Variants in ULK4 observed in about 807,000 individuals in gnomAD.
ULK4 encodes inactive serine/threonine-protein kinase ULK4.
Under a neutral mutation model 160.6 loss-of-function variants are expected in ULK4, and 133 were observed. The ratio of observed to expected loss-of-function variants is 0.83; its 90% CI spans 0.72 to 0.96. The LOEUF (loss-of-function observed/expected upper bound fraction) is 0.96. Ranked by LOEUF, ULK4 falls within the 40% of genes least tolerant of loss-of-function variation. The pLI, the probability that ULK4 is intolerant of heterozygous loss-of-function variation, is 0.00. For synonymous variants in ULK4, 534 were observed against 539.8 expected (o/e 0.99, Z 0.15); for missense variants, 1,580 against 1,499.5 (o/e 1.05, Z -0.89).
At chr3:41,942,905 G>C (rs760563796) in intron 2 of ULK4, among the ~76,000 whole-genome samples, 6 of 151,822 alleles carry the variant, frequency 4.0e-5, no homozygotes, top group Non-Finnish European at 8.8e-5. Flanking sequence ...TGTGTATACT[G>C]GCTTTAGAAA....
chr3:41,827,328 A>G (rs2041397052), intron 18 of ULK4, among the ~76,000 whole-genome samples: 2 of 151,686 alleles, frequency 1.3e-5, no homozygotes, highest in African/African-American at 4.9e-5. Context: ...ACTGAAGGAG[A>G]CAGAGACACA....
At chr3:41,558,124 C>CAT (rs2087372849) in intron 32 of ULK4, among the ~76,000 whole-genome samples, 1 of 152,128 alleles carries the variant, frequency 6.6e-6, no homozygotes, top group Non-Finnish European at 1.5e-5. Flanking sequence ...TTCTCCTATA[C>CAT]ATATTCCTGC....
intron 30 of ULK4, among the ~76,000 whole-genome samples, chr3:41,642,260 A>G (rs183685888): frequency 6.6e-6 from 1 of 152,158 alleles, no homozygotes; most frequent in Non-Finnish European, 1.5e-5. Flanking sequence ...ACTTATGTAT[A>G]CATGTGCTAT....
intron 32 of ULK4, among the ~76,000 whole-genome samples, chr3:41,501,301 T>A (rs1252952616): frequency 3.3e-5 from 5 of 152,082 alleles, no homozygotes; most frequent in African/African-American, 1.2e-4. Flanking sequence ...ATCAAGACCA[T>A]CTTGGCTAAC....
chr3:41,959,791 C>T (rs201518584), intron 1 of ULK4, among the ~76,000 whole-genome samples: 4 of 151,954 alleles, frequency 2.6e-5, no homozygotes, highest in Non-Finnish European at 5.9e-5. Context: ...AATAGCCTGG[C>T]ATGGTGGTGC....
intron 35 of ULK4, among the ~76,000 whole-genome samples, chr3:41,350,632 G>T (rs911093599): frequency 2.0e-5 from 3 of 152,220 alleles, no homozygotes; most frequent in East Asian, 3.9e-4. Flanking sequence ...GTGAACTCAC[G>T]GTTTACTCTT....
chr3:41,538,427 T>G (rs1305977442), intron 32 of ULK4, among the ~76,000 whole-genome samples: 1 of 152,156 alleles, frequency 6.6e-6, no homozygotes, highest in African/African-American at 2.4e-5. Context: ...CAAACTTCAA[T>G]CTACAATACT....
intron 8 of ULK4, among the ~76,000 whole-genome samples, chr3:41,913,688 T>A (rs1698875063): frequency 6.6e-6 from 1 of 152,096 alleles, no homozygotes; most frequent in South Asian, 2.1e-4. Flanking sequence ...TCAGCCCAGG[T>A]GTAGTGGCTC....
Position 41,865,271 on chromosome 3 carries a change from TAAAAAAAAAAAAAAAA to T in ULK4, c.1656+18587_1656+18602del, listed in dbSNP as rs55741060. Reference sequence around the variant, plus strand: ...GGGCAACAGAGCAAGACTCTGTCTTTAAAAAAAAAAAAAAAAAAAAAAAAAAAAAAAAAAGCCTTAT... The same window carrying T: ...GGGCAACAGAGCAAGACTCTGTCTTTAAAAAAAAAAAAAAAAAAGCCTTAT... On this transcript the variant is annotated intron_variant, in intron 17 of 36. Transcript: ENST00000301831. 0.024 allele frequency among the ~76,000 whole-genome samples: 732 copies of T among 30,036 alleles called. 75 individuals are homozygous for T. The East Asian group carries it at 0.34, about 14-fold the overall frequency. 19.7% of individuals were successfully genotyped at this position (30,036 alleles called of 152,430 possible).
At chr3:41,697,632 C>T (rs1390864653) in intron 27 of ULK4, among the ~76,000 whole-genome samples, 1 of 151,930 alleles carries the variant, frequency 6.6e-6, no homozygotes, top group Non-Finnish European at 1.5e-5. Flanking sequence ...CATGCATCAC[C>T]ATGCCCAGTT....
Position 41,347,516 on chromosome 3 carries a change from T to C in ULK4, c.3678+50563A>G, listed in dbSNP as rs528954040. On this transcript the variant is annotated intron_variant, in intron 35 of 36. Coordinates refer to ENST00000301831, the MANE Select transcript of ULK4 (RefSeq NM_017886.4). The stretch of plus-strand genomic sequence containing the variant: ...CATTTCTTCCTCCTCTTCCCTTTCA[T>C]GCATGCAACACCCTATCTAACACTT... Among the ~76,000 whole-genome samples the C allele has an allele frequency of 2.0e-5, 3 of 152,258 alleles. No individual in the cohort carries two copies. The South Asian group carries it at 6.2e-4, about 32-fold the overall frequency.
At chr3:41,506,053 T>G (rs188428756) in intron 32 of ULK4, among the ~76,000 whole-genome samples, 1 of 152,356 alleles carries the variant, frequency 6.6e-6, no homozygotes, top group African/African-American at 2.4e-5. Context: ...TAGTGTTCTT[T>G]TAATTGTGTA....
At chr3:41,533,700 T>C (rs1559374340) in intron 32 of ULK4, among the ~76,000 whole-genome samples, 1 of 152,214 alleles carries the variant, frequency 6.6e-6, no homozygotes, top group African/African-American at 2.4e-5. Context: ...GTCTTAAATA[T>C]ATATACTATC....
intron 30 of ULK4, among the ~76,000 whole-genome samples, chr3:41,658,162 T>C (rs1170969414): frequency 1.3e-5 from 2 of 152,208 alleles, no homozygotes; most frequent in Non-Finnish European, 2.9e-5. Context: ...AATAGGCACT[T>C]GTACACAGAT....
chr3:41,396,060 T>G (rs996864221), intron 35 of ULK4, among the ~76,000 whole-genome samples: 3 of 152,106 alleles, frequency 2.0e-5, no homozygotes, highest in Non-Finnish European at 4.4e-5. Flanking sequence ...TAACATAACT[T>G]ATTTCCATAA....
intron 21 of ULK4, chr3:41,766,581 G>GT (rs1490459576): frequency 6.6e-6 from 1 of 152,212 alleles, no homozygotes; most frequent in Admixed American, 6.5e-5. Context: ...AAGTAAAAAT[G>GT]TGAGTTTATG....
chr3:41,640,424 T>C (rs969760502), intron 30 of ULK4, among the ~76,000 whole-genome samples: 2 of 152,164 alleles, frequency 1.3e-5, no homozygotes, highest in African/African-American at 4.8e-5. Flanking sequence ...GCTACTGTTT[T>C]CACAATGCTT....
In ULK4 at chr3:41,748,776, T is replaced by A. The variant is rs189392389; in HGVS notation, c.2321+5585A>T. Among the ~76,000 whole-genome samples, 57 of 152,278 alleles carry A rather than the reference T, an allele frequency of 3.7e-4. No homozygotes were observed. In the East Asian group the frequency reaches 0.01, roughly 28 times the overall value. ...ATATCCTCTCTGTTTTCACCCCCTT[T>A]CTTAGACAAAAAGGTATTAATAGTA... On this transcript the variant is annotated intron_variant, in intron 22 of 36. Transcript: ENST00000301831.
Position 41,524,604 on chromosome 3 carries a change from C to A in ULK4, c.3226+41421G>T, listed in dbSNP as rs139628688. ...TAAAACTGTCACCAAGTACAGAGTC[C>A]TTTGGCCTGAAGTCAGCCAGAGGCA... On this transcript the variant is annotated intron_variant, in intron 32 of 36. Transcript: ENST00000301831. Among the ~76,000 whole-genome samples the A allele has an allele frequency of 1.4e-4, 22 of 152,224 alleles. No individual in the cohort carries two copies. In the East Asian group the frequency reaches 4.1e-3, roughly 28 times the overall value.
Sources: allele counts gnomAD v4.1 joint callset (sites outside exome capture counted in the v4.1 genomes callset), GRCh38; gene constraint gnomAD v4.1.1; transcripts MANE v1.5; gene names NCBI Gene and HGNC (gene_info 2026-07-23, HGNC 2026-07-21).